TSPAN5: variants seen among roughly 807,000 people sequenced by gnomAD.
TSPAN5 encodes tetraspanin-5.
A neutral mutation model predicts 37.1 loss-of-function variants in TSPAN5; 10 were observed. The observed-to-expected ratio is 0.27, with a 90% CI of 0.17 to 0.46. The LOEUF is 0.46. TSPAN5 is among the 20% of genes least tolerant of loss of function. The probability of loss-of-function intolerance (pLI) is 1.00; values close to 1 mark genes in which losing one functional copy is unlikely to be tolerated. For missense variants in TSPAN5, 195 were observed against 326.6 expected, an observed-to-expected ratio of 0.60 and a Z score of 3.11; for synonymous variants, 110 against 118.9, an observed-to-expected ratio of 0.93 and a Z score of 0.48.
intron 1 of TSPAN5, among the ~76,000 whole-genome samples, chr4:98,599,510 A>G (rs924261917): frequency 6.6e-6 from 1 of 152,224 alleles, no homozygotes; most frequent in Admixed American, 6.5e-5. Context: ...GTTTTGACAA[A>G]TGCATCCAAC....
chr4:98,493,475 T>C (rs1753129898), intron 2 of TSPAN5, among the ~76,000 whole-genome samples: 1 of 152,112 alleles, frequency 6.6e-6, no homozygotes, highest in Non-Finnish European at 1.5e-5. Context: ...TTTCCATCCG[T>C]TTTAGTTGAC....
chr4:98,528,416 T>G (rs1578968982), intron 1 of TSPAN5, among the ~76,000 whole-genome samples: 1 of 30,182 alleles, frequency 3.3e-5, no homozygotes, highest in African/African-American at 2.4e-4. Flanking sequence ...AACAGATGAT[T>G]TTTTTTTTTT....
At chr4:98,567,371 A>G (rs1578997757) in intron 1 of TSPAN5, among the ~76,000 whole-genome samples, 1 of 152,174 alleles carries the variant, frequency 6.6e-6, no homozygotes, top group South Asian at 2.1e-4. Context: ...TCTTAATTAA[A>G]ATGTATGTGC....
At chr4:98,635,333 CCA>C (rs1756830835) in intron 1 of TSPAN5, among the ~76,000 whole-genome samples, 1 of 152,154 alleles carries the variant, frequency 6.6e-6, no homozygotes, top group Non-Finnish European at 1.5e-5. Flanking sequence ...TGACTTAGCA[CCA>C]AAGAGGTCAT....
intron 1 of TSPAN5, among the ~76,000 whole-genome samples, chr4:98,613,806 A>G (rs1400283656): frequency 1.3e-5 from 2 of 152,092 alleles, no homozygotes; most frequent in Admixed American, 1.3e-4. Context: ...TGGTTGATGG[A>G]TTTTAAAATG....
chr4:98,476,860 T>A (rs1207281177), intron 5 of TSPAN5, among the ~76,000 whole-genome samples: 1 of 152,224 alleles, frequency 6.6e-6, no homozygotes, highest in Non-Finnish European at 1.5e-5. Flanking sequence ...TGCTACTTTT[T>A]AATCTATGTA....
At chr4:98,561,347 C>T (rs1251015047) in intron 1 of TSPAN5, among the ~76,000 whole-genome samples, 3 of 152,224 alleles carry the variant, frequency 2.0e-5, no homozygotes, top group Non-Finnish European at 4.4e-5. Context: ...GTCGGGAGTT[C>T]AAGACCAGCC....
chr4:98,541,234 C>T (rs1754350327), intron 1 of TSPAN5, among the ~76,000 whole-genome samples: 1 of 152,210 alleles, frequency 6.6e-6, no homozygotes, highest in East Asian at 1.9e-4. Flanking sequence ...ACTCTGACTG[C>T]AGGAGAGATG....
At chr4:98,540,401 G>A (rs4699648) in intron 1 of TSPAN5, among the ~76,000 whole-genome samples, 115,729 of 151,818 alleles carry the variant, frequency 0.76, 45,019 homozygotes, top group African/African-American at 0.92. Context: ...GCAGTGGCGC[G>A]ATCTCGGCTC....
intron 1 of TSPAN5, among the ~76,000 whole-genome samples, chr4:98,648,271 A>G (rs1757111932): frequency 1.3e-5 from 2 of 152,230 alleles, no homozygotes; most frequent in South Asian, 2.1e-4. Flanking sequence ...CAAACTGAGC[A>G]TAGTCAGGGC....
chr4:98,485,762 C>CTT (rs766494512), intron 3 of TSPAN5, among the ~76,000 whole-genome samples: 55 of 86,562 alleles, frequency 6.4e-4, no homozygotes, highest in Non-Finnish European at 8.6e-4. Context: ...CTTGGATATG[C>CTT]TTTTTTTTTT....
intron 1 of TSPAN5, among the ~76,000 whole-genome samples, chr4:98,612,620 C>A (rs760822738): frequency 6.6e-6 from 1 of 152,218 alleles, no homozygotes; most frequent in East Asian, 1.9e-4. Flanking sequence ...ATAACCAAGA[C>A]ACTAAGGAGC....
intron 2 of TSPAN5, among the ~76,000 whole-genome samples, chr4:98,500,743 C>T (rs773942908): frequency 2.6e-5 from 4 of 152,086 alleles, no homozygotes; most frequent in African/African-American, 4.8e-5. Flanking sequence ...TTTGCATGTT[C>T]TCATTGGCTT....
Position 98,476,425 on chromosome 4 carries a change from G to A in TSPAN5, c.612C>T (p.Ala204=). 6.2e-7 allele frequency: 1 copy of A among 1,614,156 alleles called. No homozygotes were observed. The highest frequency in any genetic ancestry group is 8.5e-7 in the Non-Finnish European group (1 of 1,180,032). Residue 204 remains alanine, a synonymous_variant, in exon 6 of 8, where the codon GCC becomes GCT. Transcript: ENST00000305798. ...AGATTCCACTTACTGGTTTTTGCCT[G>A]GCATCATAGCCACACTGAGTGTTGA... ...DVINTQCGYD[A]RQKPEVDQQI...
intron 2 of TSPAN5, among the ~76,000 whole-genome samples, chr4:98,497,390 C>T (rs1008444082): frequency 6.6e-6 from 1 of 151,802 alleles, no homozygotes; most frequent in East Asian, 1.9e-4. Flanking sequence ...CAGCACACAG[C>T]AAAAAGGCGG....
chr4:98,477,917 G>A (rs1752743945), intron 5 of TSPAN5, among the ~76,000 whole-genome samples: 2 of 152,018 alleles, frequency 1.3e-5, no homozygotes, highest in South Asian at 2.1e-4. Context: ...ACCTCAGCCT[G>A]CCAAAGTGCT....
At chr4:98,527,160 GA>G (rs1260558514) in intron 1 of TSPAN5, among the ~76,000 whole-genome samples, 1 of 152,156 alleles carries the variant, frequency 6.6e-6, no homozygotes, top group Non-Finnish European at 1.5e-5. Flanking sequence ...AGGCAAGTGA[GA>G]ATCAGACAGG....
At chr4:98,642,671 G>C (rs1382521944) in intron 1 of TSPAN5, among the ~76,000 whole-genome samples, 1 of 151,998 alleles carries the variant, frequency 6.6e-6, no homozygotes, top group African/African-American at 2.4e-5. Flanking sequence ...CGGAATAACT[G>C]TGGTCCCATA....
At chr4:98,476,711 C>G (rs938539170) in intron 5 of TSPAN5, among the ~76,000 whole-genome samples, 1 of 152,148 alleles carries the variant, frequency 6.6e-6, no homozygotes, top group Non-Finnish European at 1.5e-5. Flanking sequence ...TCAGAAAAGA[C>G]AGCAAGTCTA....
Sources: gnomAD v4.1 joint callset for allele counts (sites outside exome capture counted in the v4.1 genomes callset) on GRCh38, gnomAD v4.1.1 for gene constraint, MANE v1.5 for transcripts, NCBI Gene and HGNC (gene_info 2026-07-23, HGNC 2026-07-21) for gene names.